KLF17: variants seen among roughly 807,000 people sequenced by gnomAD.
KLF17 encodes Krueppel-like factor 17.
KLF17 carries 31 observed loss-of-function variants against 34.2 expected under a neutral mutation model. That is an observed-to-expected ratio of 0.91 (90% CI 0.68 to 1.22). KLF17 has a LOEUF of 1.22. Ranked by LOEUF, KLF17 falls within the 50% of genes most tolerant of loss-of-function variation. KLF17 has a pLI of 0.00. For missense variants in KLF17, 478 were observed against 505.2 expected, an observed-to-expected ratio of 0.95 and a Z score of 0.52; for synonymous variants, 179 against 186.7, an observed-to-expected ratio of 0.96 and a Z score of 0.34.
upstream of KLF17, chr1:44,114,998 C>CTCCT (rs1380142687): frequency 6.6e-6 from 1 of 152,202 alleles, no homozygotes; most frequent in Non-Finnish European, 1.5e-5. Context: ...AGGGTCACAT[C>CTCCT]TCCTACCCCT....
chr1:44,090,516 G>A, the KLF17 span, among the ~76,000 whole-genome samples: 1 of 150,218 alleles, frequency 6.7e-6, no homozygotes, highest in South Asian at 2.2e-4. Flanking sequence ...TTTGTGGAGA[G>A]CAAGGGCAGT....
At chr1:44,114,103 C>T (rs965899596), upstream of KLF17, 1 of 152,352 alleles carries the variant, frequency 6.6e-6, no homozygotes, top group Non-Finnish European at 1.5e-5. Flanking sequence ...TCCAGATGTC[C>T]ACGCAAAAAT....
At chr1:44,103,706 C>A in the KLF17 span, 1 of 1,578,924 alleles carries the variant, frequency 6.3e-7, no homozygotes, top group Non-Finnish European at 8.7e-7. Flanking sequence ...GGAGGGCGGC[C>A]TCCAGCTCGG....
the KLF17 span, among the ~76,000 whole-genome samples, chr1:44,103,152 C>G: frequency 6.6e-6 from 1 of 152,196 alleles, no homozygotes; most frequent in African/African-American, 2.4e-5. Context: ...AAGGGGGTAT[C>G]CCCAAGCAGT....
upstream of KLF17, chr1:44,117,333 TCA>T: frequency 6.6e-6 from 1 of 152,272 alleles, no homozygotes; most frequent in East Asian, 1.9e-4. Context: ...CCTCCTGGGC[TCA>T]AGTGGTCTCC....
chr1:44,119,095 G>T, intron 1 of KLF17, 107 bp downstream of exon 1: 1 of 748,412 alleles, frequency 1.3e-6, no homozygotes, highest in Non-Finnish European at 2.0e-6. Flanking sequence ...AGAAACCCGA[G>T]GGGTAGAAAT....
intron 3 of KLF17, 93 bp downstream of exon 3, chr1:44,130,849 T>A: frequency 1.5e-6 from 2 of 1,291,964 alleles, no homozygotes; most frequent in South Asian, 2.7e-5. Context: ...CAGGCTGGAG[T>A]GCAGTGGCGC....
At chr1:44,094,305 T>A in the KLF17 span, among the ~76,000 whole-genome samples, 1 of 152,240 alleles carries the variant, frequency 6.6e-6, no homozygotes, top group Non-Finnish European at 1.5e-5. Flanking sequence ...GTCTCTTTTC[T>A]TTGTTAATTG....
Position 44,126,009 on chromosome 1 carries a change from T to TTTTTGTTTTGTTTTG in KLF17, c.82-3329_82-3315dup, listed in dbSNP as rs138404452. ...CCCTAATAGTTGGAGGACAAGGTTT[T>TTTTTGTTTTGTTTTG]TTTTGTTTTGTTTTGTTTTGTTTTG... On this transcript the variant is annotated intron_variant, in intron 1 of 3. Coordinates refer to ENST00000372299, the MANE Select transcript of KLF17 (RefSeq NM_173484.4). Among the ~76,000 whole-genome samples, 1,121 of 151,874 alleles carry TTTTTGTTTTGTTTTG rather than the reference T, an allele frequency of 7.4e-3. 20 individuals carry two copies. Among genetic ancestry groups the TTTTTGTTTTGTTTTG allele is most frequent in the East Asian group, 0.066 (338 of 5,124 alleles).
the KLF17 span, among the ~76,000 whole-genome samples, chr1:44,072,747 G>C: frequency 6.6e-6 from 1 of 151,968 alleles, no homozygotes; most frequent in African/African-American, 2.4e-5. Context: ...CACAATAGTA[G>C]ATGCGGGCAC....
At chr1:44,063,949 C>T in the KLF17 span, among the ~76,000 whole-genome samples, 1 of 151,972 alleles carries the variant, frequency 6.6e-6, no homozygotes, top group African/African-American at 2.4e-5. Context: ...GTTAGGAAGC[C>T]GGGAGGATTG....
the KLF17 span, chr1:44,044,504 C>G: frequency 6.6e-6 from 1 of 152,248 alleles, no homozygotes; most frequent in East Asian, 1.9e-4. Context: ...TGTCCACCCA[C>G]CCTGGAATGT....
chr1:44,047,998 G>A, the KLF17 span: 1 of 112,784 alleles, frequency 8.9e-6, no homozygotes, highest in Admixed American at 8.7e-5. Context: ...AACATTGTGT[G>A]TGTATGTGTG....
the KLF17 span, among the ~76,000 whole-genome samples, chr1:44,051,889 T>A: frequency 6.6e-6 from 1 of 152,088 alleles, no homozygotes; most frequent in East Asian, 1.9e-4. Flanking sequence ...AGGGGACCCT[T>A]GTTGGCTGAA....
Position 44,130,608 on chromosome 1 carries a change from G to A in KLF17, c.1022G>A (p.Arg341Gln), listed in dbSNP as rs141181356. Residue 341 changes from arginine (R) to glutamine (Q), a missense_variant, in exon 3 of 4, where the codon CGA becomes CAA. By Grantham distance (43) the Arg-to-Gln change is conservative. Coordinates refer to ENST00000372299, the MANE Select transcript of KLF17 (RefSeq NM_173484.4). Reference sequence around the variant, plus strand: ...CATATGCGGGTACACACCAGATATCGACCATATAAATGTGATCAGTGCAGC... The same window carrying A: ...CATATGCGGGTACACACCAGATATCAACCATATAAATGTGATCAGTGCAGC... Reference protein sequence around the residue: ...RRHMRVHTRYRPYKCDQCSRE... With the variant: ...RRHMRVHTRYQPYKCDQCSRE... 6.8e-6 allele frequency: 11 copies of A among 1,613,828 alleles called. No homozygotes were observed. The highest frequency in any genetic ancestry group is 6.7e-5 in the African/African-American group (5 of 74,842).
chr1:44,127,672 TTC>T (rs1263004912), intron 1 of KLF17, among the ~76,000 whole-genome samples: 1,239 of 51,348 alleles, frequency 0.024, 37 homozygotes, highest in Admixed American at 0.14. Flanking sequence ...CTTTCTTTCT[TTC>T]TTTCTTTCTT....
intron 1 of KLF17, among the ~76,000 whole-genome samples, chr1:44,128,433 A>T (rs2088054123): frequency 6.6e-6 from 1 of 152,124 alleles, no homozygotes; most frequent in African/African-American, 2.4e-5. Context: ...CCCTTCATGC[A>T]AGTCAGTCAT....
chr1:44,101,187 T>C, the KLF17 span, among the ~76,000 whole-genome samples: 3 of 152,220 alleles, frequency 2.0e-5, no homozygotes, highest in Non-Finnish European at 4.4e-5. Context: ...TCTATCTACC[T>C]ACCTACCTAT....
chr1:44,086,182 G>A, the KLF17 span, among the ~76,000 whole-genome samples: 1 of 152,086 alleles, frequency 6.6e-6, no homozygotes, highest in Non-Finnish European at 1.5e-5. Flanking sequence ...AGAGAACAGA[G>A]ACGGTGGGGC....
Sources: allele counts gnomAD v4.1 joint callset (sites outside exome capture counted in the v4.1 genomes callset), GRCh38; gene constraint gnomAD v4.1.1; transcripts MANE v1.5; gene names NCBI Gene and HGNC (gene_info 2026-07-23, HGNC 2026-07-21).